The following HUWE1 variants were observed in gnomAD, a reference collection of about 807,000 sequenced individuals.
HUWE1 encodes the protein E3 ubiquitin-protein ligase HUWE1.
HUWE1 carries 18 observed loss-of-function variants against 299.4 expected under a neutral mutation model. The ratio of observed to expected loss-of-function variants is 0.06; its 90% CI spans 0.04 to 0.09. HUWE1 has a LOEUF of 0.09. Ranked by LOEUF, HUWE1 falls within the 10% of genes least tolerant of loss-of-function variation. HUWE1 has a pLI of 1.00. For missense variants in HUWE1, 1,832 were observed against 3,462.3 expected, an observed-to-expected ratio of 0.53 and a Z score of 11.82; for synonymous variants, 1,317 against 1,286.1, an observed-to-expected ratio of 1.02 and a Z score of -0.51.
At chrX:53,604,099 A>T (rs140078928) in intron 26 of HUWE1, among the ~76,000 whole-genome samples, 1,285 of 111,873 alleles carry the variant, frequency 0.011, 22 homozygotes, top group African/African-American at 0.04. Flanking sequence ...TTGATACCAT[A>T]AATCTTTAGA....
chrX:53,593,649 G>T, intron 31 of HUWE1, 48 bp from the exon 32 acceptor site: 1 of 1,003,297 alleles, frequency 1.0e-6, no homozygotes, highest in Non-Finnish European at 1.4e-6. Flanking sequence ...ATTTTACCCT[G>T]GCAAGGGGGG....
chrX:53,651,957 T>C (rs1242024377), intron 4 of HUWE1, among the ~76,000 whole-genome samples: 6 of 111,981 alleles, frequency 5.4e-5, no homozygotes, highest in Admixed American at 1.9e-4. Flanking sequence ...TTCCAAAATA[T>C]ATAAGGAACT....
intron 41 of HUWE1, 40 bp downstream of exon 41, chrX:53,584,146 A>T (rs1556970835): frequency 8.6e-7 from 1 of 1,162,686 alleles, no homozygotes; most frequent in Non-Finnish European, 1.2e-6. Flanking sequence ...TTAAGCCACA[A>T]AGGCACATTA....
chrX:53,544,048 G>A lies in HUWE1; in HGVS notation c.11252-80C>T, dbSNP rs940777713. On this transcript the variant is annotated intron_variant, in intron 72 of 83. Transcript: ENST00000262854. ...CCAATATTCTCTCTCCTATCTCCTG[G>A]GCTGCCACAGGGCATCTTGCTGAGG... The A allele has an allele frequency of 3.7e-5, 33 of 889,143 alleles. No individual in the cohort carries two copies. The African/African-American group carries it at 5.9e-4, about 16-fold the overall frequency. The allele number at this position is 889,143 out of a possible 1,213,427, so 73.3% of individuals were successfully genotyped here.
intron 41 of HUWE1, 96 bp from the exon 42 acceptor site, chrX:53,584,012 C>T (rs1438684574): frequency 1.2e-6 from 1 of 840,961 alleles, no homozygotes; most frequent in East Asian, 3.1e-5. Context: ...CACTTGGGTC[C>T]TATTAAGAGA....
intron 23 of HUWE1, among the ~76,000 whole-genome samples, chrX:53,610,029 T>C (rs1412480018): frequency 9.0e-6 from 1 of 111,589 alleles, no homozygotes; most frequent in Non-Finnish European, 1.9e-5. Context: ...AAGAACTTTG[T>C]AGAAAGGGAG....
chrX:53,600,229 T>A lies in HUWE1; in HGVS notation c.3052A>T (p.Thr1018Ser). 1 of 1,208,960 alleles carries A rather than the reference T, an allele frequency of 8.3e-7. No individual in the cohort carries two copies. The highest frequency in any genetic ancestry group is 1.1e-6 in the Non-Finnish European group (1 of 892,894). ...LLEGIGLDGD[T>S]LAPMETDEPT... ...TCATCTGTCTCCATGGGAGCCAATG[T>A]GTCACCATCTAGCCCAATGCCTTCT... Residue 1018 changes from threonine to serine, a missense_variant, in exon 29 of 84, where the codon ACA becomes TCA. By Grantham distance (58) the Thr-to-Ser change is moderately conservative. This residue lies in a region of HUWE1 where 658 missense variants were observed against 1,282.6 expected (regional missense o/e 0.51). Coordinates refer to ENST00000262854, the MANE Select transcript of HUWE1 (RefSeq NM_031407.7).
chrX:53,672,189 G>A (rs1021929648), intron 3 of HUWE1, among the ~76,000 whole-genome samples: 6 of 110,311 alleles, frequency 5.4e-5, no homozygotes, highest in African/African-American at 1.7e-4. Flanking sequence ...AATATGAACC[G>A]GATATTAGAT....
chrX:53,593,711 C>A, intron 31 of HUWE1, 110 bp from the exon 32 acceptor site: 1 of 560,820 alleles, frequency 1.8e-6, no homozygotes. Context: ...CGTCCCTCTT[C>A]TTAGAGCTAT....
intron 43 of HUWE1, among the ~76,000 whole-genome samples, chrX:53,578,353 TGGG>T (rs1171577774): frequency 1.2e-5 from 1 of 81,765 alleles, no homozygotes; most frequent in African/African-American, 4.9e-5. Flanking sequence ...GGGAGGGAGG[TGGG>T]GGGGGGTCAG....
chrX:53,584,211 G>A lies in HUWE1; in HGVS notation c.5136C>T (p.Ile1712=), dbSNP rs2063756279. The A allele has an allele frequency of 8.3e-7, 1 of 1,207,781 alleles. No homozygotes were observed. The highest frequency in any genetic ancestry group is 1.8e-5 in the African/African-American group (1 of 57,081). Residue 1712 remains isoleucine, a synonymous_variant, in exon 41 of 84, where the codon ATC becomes ATT. Transcript: ENST00000262854. ...KTLEESKEMD[I]KRKENKGNDT... ...CATTGCCTTTATTTTCTTTACGTTT[G>A]ATATCCATTTCTTTGCTTTCTTCCA...
At chrX:53,569,289 C>T (rs782447879) in intron 48 of HUWE1, among the ~76,000 whole-genome samples, 1 of 112,670 alleles carries the variant, frequency 8.9e-6, no homozygotes, top group Non-Finnish European at 1.9e-5. Context: ...CCTCCCAAAG[C>T]GCTGGGATTA....
intron 43 of HUWE1, among the ~76,000 whole-genome samples, chrX:53,578,882 C>T (rs2063404209): frequency 1.3e-5 from 1 of 78,770 alleles, no homozygotes; most frequent in Non-Finnish European, 2.5e-5. Flanking sequence ...CCCGGCCAGC[C>T]GCCCCGTCCG....
In HUWE1 at chrX:53,536,448, A is replaced by G. The variant is rs1556913146; in HGVS notation, c.12357T>C (p.Tyr4119=). Residue 4119 remains tyrosine (Y), a synonymous_variant, in exon 79 of 84, where the codon TAT becomes TAC. Transcript: ENST00000262854. ...AGTAGCACTCCAGAAGACGGTTGTC[A>G]TATACAGCTTTGGCCACAATGCGTC... ...FVGRIVAKAV[Y]DNRLLECYFT... The G allele has an allele frequency of 3.3e-6, 4 of 1,209,216 alleles. No individual in the cohort carries two copies. The highest frequency in any genetic ancestry group is 3.5e-5 in the African/African-American group (2 of 56,967).
chrX:53,608,734 CT>C, intron 24 of HUWE1, 117 bp downstream of exon 24: 1 of 567,199 alleles, frequency 1.8e-6, no homozygotes, highest in Non-Finnish European at 3.2e-6. Flanking sequence ...CATCTTTCCC[CT>C]CTTAATTGGA....
intron 49 of HUWE1, among the ~76,000 whole-genome samples, chrX:53,568,210 A>G (rs188449450): frequency 3.4e-4 from 38 of 112,175 alleles, no homozygotes; most frequent in African/African-American, 1.2e-3. Context: ...GATGAAACTT[A>G]TTTTCATAGC....
Position 53,589,802 on chromosome X carries a change from C to T in HUWE1, c.4206G>A (p.Arg1402=), listed in dbSNP as rs782498407. ...RAESPEEVAC[R]KEEEERKARE... is the part of the protein sequence containing the mutation. ...GAGCTTTCCGTTCCTCTTCCTCCTT[C>T]CGGCAAGCAACTTCCTGGAAGCAGG... is the stretch of plus-strand genomic sequence containing the variant. The change falls in exon 36 of 84, where the codon CGG becomes CGA. Residue 1402 remains arginine, a synonymous_variant. Transcript: ENST00000262854. 1.1e-5 allele frequency: 13 copies of T among 1,208,396 alleles called. No homozygotes were observed. In the Admixed American group the frequency reaches 2.0e-4, roughly 18 times the overall value.
At position 53,576,946 on chromosome X, in the gene HUWE1, G is replaced by T. The variant is rs782228341; in HGVS notation, c.5838C>A (p.Ile1946=). 3.0e-5 allele frequency: 36 copies of T among 1,207,415 alleles called. No individual in the cohort carries two copies. Among genetic ancestry groups the T allele is most frequent in the Non-Finnish European group, 3.6e-5 (32 of 892,999 alleles). The stretch of plus-strand genomic sequence containing the variant: ...CAGCCAGAGCATTCAGCATATCATA[G>T]ATCACTTCCTTGATAGTATCAGGGA... ...PVIPDTIKEV[I]YDMLNALAAY... is the part of the protein sequence containing the mutation. The change falls in exon 44 of 84, where the codon ATC becomes ATA. Residue 1946 remains isoleucine (I), a synonymous_variant. Transcript: ENST00000262854.
Position 53,552,678 on chromosome X carries a change from T to G in HUWE1, c.8710A>C (p.Ser2904Arg), listed in dbSNP as rs782605970. Reference sequence around the variant, plus strand: ...TGGGCAGATTCCCCTGACCCATCACTCCTGCCTTGCACTTCCGCCACAGCT... The same window carrying G: ...TGGGCAGATTCCCCTGACCCATCACGCCTGCCTTGCACTTCCGCCACAGCT... Reference protein sequence around the residue: ...PPAVAEVQGRSDGSGESAQPP... With the variant: ...PPAVAEVQGRRDGSGESAQPP... Residue 2904 changes from serine to arginine, a missense_variant, in exon 62 of 84, where the codon AGT becomes CGT. By Grantham distance (110) the Ser-to-Arg change is moderately radical. Around this residue, in one of 15 missense-constraint regions of HUWE1, gnomAD observed 143 missense variants for 148.1 expected, o/e 0.97. Transcript: ENST00000262854. The G allele has an allele frequency of 4.1e-6, 5 of 1,210,344 alleles. No homozygotes were observed. In the African/African-American group the frequency reaches 8.7e-5, roughly 21 times the overall value.
Sources: allele counts gnomAD v4.1 joint callset (sites outside exome capture counted in the v4.1 genomes callset), GRCh38; gene constraint gnomAD v4.1.1; regional missense constraint gnomAD v4.1.1; transcripts MANE v1.5; gene names NCBI Gene and HGNC (gene_info 2026-07-23, HGNC 2026-07-21).